Variants in GRIK1 observed in about 807,000 individuals in gnomAD.
The protein encoded by GRIK1 is glutamate receptor ionotropic, kainate 1.
Under a neutral mutation model 105.7 loss-of-function variants are expected in GRIK1, and 69 were observed. The ratio of observed to expected loss-of-function variants is 0.65; its 90% confidence interval spans 0.54 to 0.80. The LOEUF (loss-of-function observed/expected upper bound fraction) is 0.80, where lower values mean the gene tolerates loss of function less well. Ranked by LOEUF, GRIK1 falls within the 30% of genes least tolerant of loss-of-function variation. The pLI is 0.00. For synonymous variants in GRIK1, 438 were observed against 431.3 expected, an observed-to-expected ratio of 1.02 and a Z score of -0.19; for missense variants, 1,109 against 1,167.3, an observed-to-expected ratio of 0.95 and a Z score of 0.73.
chr21:29,790,563 C>T (rs1439173198), intron 1 of GRIK1, among the ~76,000 whole-genome samples: 1 of 151,846 alleles, frequency 6.6e-6, no homozygotes, highest in Admixed American at 6.6e-5. Flanking sequence ...TCAGGTGACT[C>T]TCCCACCTCA....
At chr21:29,561,514 G>A (rs1271602693) in intron 15 of GRIK1, 110 bp downstream of exon 15, 3 of 672,786 alleles carry the variant, frequency 4.5e-6, no homozygotes, top group East Asian at 2.6e-5. Context: ...TTCACTAATG[G>A]CATTGTAGGC....
intron 1 of GRIK1, among the ~76,000 whole-genome samples, chr21:29,913,324 T>C (rs1333364986): frequency 6.6e-6 from 1 of 152,112 alleles, no homozygotes; most frequent in Non-Finnish European, 1.5e-5. Flanking sequence ...TGGATAACTC[T>C]GTAAAGCACT....
chr21:29,836,375 C>T (rs2067807134), intron 1 of GRIK1, among the ~76,000 whole-genome samples: 1 of 152,118 alleles, frequency 6.6e-6, no homozygotes, highest in Non-Finnish European at 1.5e-5. Context: ...ACACACGTCC[C>T]CTGGCTTATT....
At position 29,598,686 on chromosome 21, in the gene GRIK1, A is replaced by G. The variant is rs2061460803; in HGVS notation, c.1206+144T>C. 5.7e-6 allele frequency: 3 copies of G among 529,406 alleles called. No homozygotes were observed. In the South Asian group the frequency reaches 9.1e-5, roughly 16 times the overall value. 32.8% of individuals were successfully genotyped at this position (529,406 alleles called of 1,614,324 possible). ...GCACATCAACTTCTATCTGCAGAAA[A>G]AAGAAAGAGAGATAAAAAACTGGAT... On this transcript the variant is annotated intron_variant, in intron 8 of 17. Transcript: ENST00000327783.
At chr21:29,830,288 T>A (rs2067588788) in intron 1 of GRIK1, among the ~76,000 whole-genome samples, 1 of 145,362 alleles carries the variant, frequency 6.9e-6, no homozygotes, top group Non-Finnish European at 1.5e-5. Flanking sequence ...AAGCATTAGA[T>A]ACACACCCAC....
intron 1 of GRIK1, among the ~76,000 whole-genome samples, chr21:29,709,074 A>G (rs546487227): frequency 1.6e-4 from 24 of 152,208 alleles, no homozygotes; most frequent in Admixed American, 7.9e-4. Context: ...ATATATATGC[A>G]TACACCTACA....
At chr21:29,580,059 ATATATGTGTATATATATGTATATG>A (rs1334836199) in intron 13 of GRIK1, among the ~76,000 whole-genome samples, 1 of 147,102 alleles carries the variant, frequency 6.8e-6, no homozygotes, top group African/African-American at 2.5e-5. Flanking sequence ...ATATGTATAT[ATATATGTGTATATATATGTATATG>A]TGTGTGTATA....
rs1568814142 is a variant in GRIK1, at chr21:29,560,396, C to CTTTCTTTCTTT, written c.2356+1227_2356+1228insAAAGAAAGAAA. Among the ~76,000 whole-genome samples the CTTTCTTTCTTT allele has an allele frequency of 6.3e-3, 380 of 60,300 alleles. 38 individuals are homozygous for CTTTCTTTCTTT. The highest frequency in any genetic ancestry group is 0.016 in the East Asian group (30 of 1,830). The allele number at this position is 60,300 out of a possible 152,430, so 39.6% of individuals were successfully genotyped here. On this transcript the variant is annotated intron_variant, in intron 15 of 17. Coordinates refer to ENST00000327783, the MANE Select transcript of GRIK1 (RefSeq NM_001330994.2). ...TCCTTCCTTCCTTCCTTCCTTCCTT[C>CTTTCTTTCTTT]CTTCCTTTCTTTCTTTCTTTCTTTC...
At chr21:29,888,199 C>CTT (rs1391865067) in intron 1 of GRIK1, among the ~76,000 whole-genome samples, 9 of 15,816 alleles carry the variant, frequency 5.7e-4, no homozygotes, top group African/African-American at 1.2e-3. Flanking sequence ...CTTTCTTTCT[C>CTT]TCTCTCTCTC....
At chr21:29,859,220 G>A (rs1265303607) in intron 1 of GRIK1, among the ~76,000 whole-genome samples, 1 of 151,278 alleles carries the variant, frequency 6.6e-6, no homozygotes, top group Non-Finnish European at 1.5e-5. Context: ...TGTGGGGTGG[G>A]GGGAGGAGGG....
intron 1 of GRIK1, among the ~76,000 whole-genome samples, chr21:29,908,416 A>G (rs1048424260): frequency 1.3e-5 from 2 of 152,056 alleles, no homozygotes; most frequent in African/African-American, 4.8e-5. Flanking sequence ...CCTTGGTCCA[A>G]TTTCCTGCTG....
intron 1 of GRIK1, among the ~76,000 whole-genome samples, chr21:29,850,393 A>G (rs1176189236): frequency 6.6e-6 from 1 of 152,084 alleles, no homozygotes; most frequent in African/African-American, 2.4e-5. Flanking sequence ...GGTGTTATCC[A>G]TTTCTAAGGT....
intron 4 of GRIK1, among the ~76,000 whole-genome samples, chr21:29,662,931 C>T (rs2062992662): frequency 1.3e-5 from 2 of 152,122 alleles, no homozygotes; most frequent in South Asian, 2.1e-4. Flanking sequence ...CCAGGTGATA[C>T]TTATGTACAG....
rs2071220908 is a variant in GRIK1, at chr21:29,922,371, A to G, written c.118+17012T>C. Among the ~76,000 whole-genome samples, 3 of 152,144 alleles carry G rather than the reference A, an allele frequency of 2.0e-5. No individual in the cohort carries two copies. The South Asian group carries it at 6.2e-4, about 31-fold the overall frequency. On this transcript the variant is annotated intron_variant, in intron 1 of 17. Transcript: ENST00000327783. ...TTTATTTCTTCAATAAATGCCAAAC[A>G]CTGTTAAAAAATAATTTCTGTGGGT... is the stretch of plus-strand genomic sequence containing the variant.
chr21:29,712,327 C>T (rs531177193), intron 1 of GRIK1, among the ~76,000 whole-genome samples: 3 of 152,062 alleles, frequency 2.0e-5, no homozygotes, highest in Admixed American at 6.5e-5. Flanking sequence ...ATAAAAATAA[C>T]GTTTCAATGA....
chr21:29,581,838 T>C (rs1208250642), intron 12 of GRIK1, among the ~76,000 whole-genome samples: 2 of 152,156 alleles, frequency 1.3e-5, no homozygotes, highest in African/African-American at 4.8e-5. Flanking sequence ...TCCATATTAC[T>C]GAACAACTAG....
At position 29,689,972 on chromosome 21, in the gene GRIK1, C is replaced by T; in HGVS notation, c.300G>A (p.Leu100=). ...CAAAGAGAGCAGCCACACCAAGAGC[C>T]AGCTGGTCACATGCTGATGCCCAAG... ...FEASRRACDQ[L]ALGVAALFGP... Residue 100 remains leucine (L), a synonymous_variant, in exon 3 of 18, where the codon CTG becomes CTA. Coordinates refer to ENST00000327783, the MANE Select transcript of GRIK1 (RefSeq NM_001330994.2). 1 of 1,602,478 alleles carries T rather than the reference C, an allele frequency of 6.2e-7. No individual in the cohort carries two copies. The highest frequency in any genetic ancestry group is 8.5e-7 in the Non-Finnish European group (1 of 1,173,148).
intron 14 of GRIK1, among the ~76,000 whole-genome samples, chr21:29,565,698 T>G (rs2090597237): frequency 6.6e-6 from 1 of 152,210 alleles, no homozygotes; most frequent in African/African-American, 2.4e-5. Flanking sequence ...CCTCCCAAAG[T>G]GCTGGGATTA....
intron 4 of GRIK1, among the ~76,000 whole-genome samples, chr21:29,667,456 G>T (rs2063082563): frequency 6.6e-6 from 1 of 152,282 alleles, no homozygotes; most frequent in African/African-American, 2.4e-5. Flanking sequence ...TAAAAAAAAA[G>T]TGGGTTGGGG....
Sources: gnomAD v4.1 joint callset for allele counts (sites outside exome capture counted in the v4.1 genomes callset) on GRCh38, gnomAD v4.1.1 for gene constraint, MANE v1.5 for transcripts, NCBI Gene and HGNC (gene_info 2026-07-23, HGNC 2026-07-21) for gene names.